HIVEP1: variants seen among roughly 807,000 people sequenced by gnomAD.
HIVEP1 encodes HIVEP zinc finger 1.
A neutral mutation model predicts 180.0 loss-of-function variants in HIVEP1; 36 were observed. The ratio of observed to expected loss-of-function variants is 0.20; its 90% confidence interval spans 0.15 to 0.26. The LOEUF (loss-of-function observed/expected upper bound fraction) is 0.26, where lower values mean the gene tolerates loss of function less well. HIVEP1 is among the 10% of genes least tolerant of loss of function. The pLI is 1.00. For missense variants in HIVEP1, 3,143 were observed against 3,268.7 expected, an observed-to-expected ratio of 0.96 and a Z score of 0.94; for synonymous variants, 1,239 against 1,239.0, an observed-to-expected ratio of 1.00 and a Z score of 0.00.
chr6:12,079,976 C>T (rs564645274), intron 2 of HIVEP1, among the ~76,000 whole-genome samples: 1 of 149,626 alleles, frequency 6.7e-6, no homozygotes, highest in South Asian at 2.1e-4. Flanking sequence ...ATCTATCTAT[C>T]TATATCTGGT....
chr6:12,180,761 T>C, the HIVEP1 span, among the ~76,000 whole-genome samples: 1 of 152,238 alleles, frequency 6.6e-6, no homozygotes, highest in Admixed American at 6.5e-5. Flanking sequence ...TACTTTACAA[T>C]GTTACAAATC....
the HIVEP1 span, among the ~76,000 whole-genome samples, chr6:12,193,260 C>T: frequency 6.6e-6 from 1 of 152,048 alleles, no homozygotes; most frequent in East Asian, 1.9e-4. Context: ...TCCTATTTCC[C>T]ATTTTGGACA....
chr6:12,202,276 C>A, the HIVEP1 span, among the ~76,000 whole-genome samples: 1 of 151,860 alleles, frequency 6.6e-6, no homozygotes, highest in South Asian at 2.1e-4. Context: ...CTACCTTAGC[C>A]TCCCAAGTAG....
chr6:12,124,948 C>G lies in HIVEP1; in HGVS notation c.5153C>G (p.Ser1718Cys), dbSNP rs868521874. 5.6e-6 allele frequency: 9 copies of G among 1,614,036 alleles called. No homozygotes were observed. In the Middle Eastern group the frequency reaches 1.5e-3, roughly 266 times the overall value. ...TTTTCAGAGATGAGCCAAAATTCTT[C>G]TCTATCAGAATCCTTGCCCATAACT... ...NVFSEMSQNSSLSESLPITQK... is the reference protein window; with the variant it reads ...NVFSEMSQNSCLSESLPITQK... The change falls in exon 4 of 9, where the codon TCT becomes TGT. Residue 1718 changes from serine to cysteine, a missense_variant. This residue lies in a region of HIVEP1 where 1,357 missense variants were observed against 1,260.5 expected (regional missense o/e 1.08). Transcript: ENST00000379388.
intron 7 of HIVEP1, among the ~76,000 whole-genome samples, chr6:12,145,490 C>T (rs552249940): frequency 1.3e-4 from 19 of 147,112 alleles, no homozygotes; most frequent in South Asian, 2.2e-4. Flanking sequence ...GCACGTTGTG[C>T]ATATGTACCC....
At chr6:12,137,438 T>C (rs1442009675) in intron 7 of HIVEP1, among the ~76,000 whole-genome samples, 1 of 152,240 alleles carries the variant, frequency 6.6e-6, no homozygotes, top group Admixed American at 6.5e-5. Flanking sequence ...TTATTCATTG[T>C]TGTATTTTCA....
At chr6:12,149,409 A>G (rs1759560131) in intron 7 of HIVEP1, among the ~76,000 whole-genome samples, 1 of 152,094 alleles carries the variant, frequency 6.6e-6, no homozygotes, top group Admixed American at 6.6e-5. Flanking sequence ...CATTTAACTG[A>G]TCTTTTCTGT....
intron 2 of HIVEP1, among the ~76,000 whole-genome samples, chr6:12,073,771 A>T (rs71551288): frequency 0.15 from 23,144 of 152,188 alleles, 2,328 homozygotes; most frequent in Non-Finnish European, 0.23. Context: ...AGATATTAAA[A>T]TCTTGGGGAA....
chr6:12,131,234 C>A (rs6932389), intron 6 of HIVEP1, among the ~76,000 whole-genome samples: 2,562 of 151,824 alleles, frequency 0.017, 73 homozygotes, highest in African/African-American at 0.059. Context: ...AACATGATGA[C>A]TAATATACCT....
rs755583765 is a variant in HIVEP1, at chr6:12,123,581, G to T, written c.3786G>T (p.Trp1262Cys). 1 of 1,614,028 alleles carries T rather than the reference G, an allele frequency of 6.2e-7. No homozygotes were observed. Among genetic ancestry groups the T allele is most frequent in the Admixed American group, 1.7e-5 (1 of 60,026 alleles). ...HDQEKSEKFS[W>C]PQRSETLSKL... ...AAGAAAAGTCAGAGAAGTTCAGTTGGCCCCAGCGTAGTGAAACCTTGTCAA... is the reference window on the plus strand; with the variant it reads ...AAGAAAAGTCAGAGAAGTTCAGTTGTCCCCAGCGTAGTGAAACCTTGTCAA... The change falls in exon 4 of 9, where the codon TGG becomes TGT. Residue 1262 changes from tryptophan to cysteine, a missense_variant. Coordinates refer to ENST00000379388, the MANE Select transcript of HIVEP1 (RefSeq NM_002114.4).
intron 7 of HIVEP1, among the ~76,000 whole-genome samples, chr6:12,150,905 C>G (rs958793737): frequency 1.4e-4 from 22 of 152,120 alleles, no homozygotes; most frequent in Admixed American, 2.0e-4. Context: ...AACAGGCAAA[C>G]TTCAACAACA....
At chr6:12,208,183 T>G in the HIVEP1 span, among the ~76,000 whole-genome samples, 2 of 152,202 alleles carry the variant, frequency 1.3e-5, no homozygotes, top group Admixed American at 1.3e-4. Context: ...TAGTTGTTGA[T>G]TTACATGTTT....
In HIVEP1 at chr6:12,161,934, A is replaced by T. The variant is rs1760435564; in HGVS notation, c.6978+5A>T. 1 of 1,591,778 alleles carries T rather than the reference A, an allele frequency of 6.3e-7. No homozygotes were observed. Among genetic ancestry groups the T allele is most frequent in the Non-Finnish European group, 8.6e-7 (1 of 1,166,758 alleles). On this transcript the variant is annotated splice_donor_5th_base_variant and intron_variant, in intron 8 of 8. Transcript: ENST00000379388. ...AAAGCTGTTGCTATAACACAGGTAA[A>T]TGATTGGCAGTTGTTCTTTTATTTC...
intron 7 of HIVEP1, among the ~76,000 whole-genome samples, chr6:12,137,720 T>C (rs1457600007): frequency 6.6e-6 from 1 of 152,204 alleles, no homozygotes; most frequent in Non-Finnish European, 1.5e-5. Context: ...TCTGTGTTGC[T>C]ACACCAGCAG....
chr6:12,041,173 G>A (rs1045925195), intron 2 of HIVEP1, among the ~76,000 whole-genome samples: 2 of 152,144 alleles, frequency 1.3e-5, no homozygotes, highest in Non-Finnish European at 2.9e-5. Flanking sequence ...TGTAATCCCA[G>A]CACTTTGGGA....
chr6:12,066,395 A>C (rs1028248258), intron 2 of HIVEP1, among the ~76,000 whole-genome samples: 1 of 152,176 alleles, frequency 6.6e-6, no homozygotes, highest in Admixed American at 6.5e-5. Flanking sequence ...GTGTGTTTTC[A>C]CCATGATTTG....
chr6:12,117,084 GAAAAC>G (rs1775262012), intron 3 of HIVEP1, among the ~76,000 whole-genome samples: 1 of 152,050 alleles, frequency 6.6e-6, no homozygotes, highest in South Asian at 2.1e-4. Flanking sequence ...AAATTGTAGA[GAAAAC>G]AAAAGGTAAA....
At chr6:12,169,715 C>T (rs2113710818), downstream of HIVEP1, among the ~76,000 whole-genome samples, 1 of 152,276 alleles carries the variant, frequency 6.6e-6, no homozygotes, top group Admixed American at 6.5e-5. Flanking sequence ...TTAGAATATA[C>T]ATGATGCTAA....
At chr6:12,016,776 C>A (rs890260903) in intron 2 of HIVEP1, among the ~76,000 whole-genome samples, 1 of 152,126 alleles carries the variant, frequency 6.6e-6, no homozygotes, top group Non-Finnish European at 1.5e-5. Flanking sequence ...ATATAGAAAA[C>A]GTTGAAAATT....
Sources: allele counts gnomAD v4.1 joint callset (sites outside exome capture counted in the v4.1 genomes callset), GRCh38; gene constraint gnomAD v4.1.1; regional missense constraint gnomAD v4.1.1; transcripts MANE v1.5; gene names NCBI Gene and HGNC (gene_info 2026-07-23, HGNC 2026-07-21).